UBTD2: variants seen among roughly 807,000 people sequenced by gnomAD.
UBTD2 encodes ubiquitin domain-containing protein 2.
Under a neutral mutation model 19.8 loss-of-function variants are expected in UBTD2, and 9 were observed. The ratio of observed to expected loss-of-function variants is 0.46; its 90% CI spans 0.27 to 0.79. UBTD2 has a LOEUF of 0.79. UBTD2 is among the 30% of genes least tolerant of loss of function. UBTD2 has a pLI of 0.14. For synonymous variants in UBTD2, 98 were observed against 103.9 expected (o/e 0.94, Z 0.35); for missense variants, 250 against 300.4 (o/e 0.83, Z 1.24).
chr5:172,213,691 T>A (rs2113870705), intron 2 of UBTD2, among the ~76,000 whole-genome samples: 1 of 152,352 alleles, frequency 6.6e-6, no homozygotes, highest in East Asian at 1.9e-4. Flanking sequence ...CAAGCAATCC[T>A]CCTGCCTCCA....
intron 1 of UBTD2, among the ~76,000 whole-genome samples, chr5:172,273,002 A>C (rs1295650385): frequency 6.6e-6 from 1 of 151,736 alleles, no homozygotes; most frequent in African/African-American, 2.4e-5. Context: ...GCTTGAACCC[A>C]GGAGACAGAG....
chr5:172,235,814 AAGAT>A (rs1253654475), intron 1 of UBTD2, among the ~76,000 whole-genome samples: 3 of 152,212 alleles, frequency 2.0e-5, no homozygotes, highest in African/African-American at 7.2e-5. Flanking sequence ...GATGGGATAG[AAGAT>A]AGAAAGAAAA....
At chr5:172,269,490 CAAAA>C (rs373193759) in intron 1 of UBTD2, among the ~76,000 whole-genome samples, 1 of 73,218 alleles carries the variant, frequency 1.4e-5, no homozygotes, top group Non-Finnish European at 2.8e-5. Flanking sequence ...GGCCCTGTCT[CAAAA>C]AAAAAAAAAA....
intron 1 of UBTD2, among the ~76,000 whole-genome samples, chr5:172,250,074 T>C (rs1023572773): frequency 2.6e-5 from 4 of 151,874 alleles, no homozygotes; most frequent in Non-Finnish European, 4.4e-5. Flanking sequence ...AATACAAACA[T>C]TAGCTGGGCG....
intron 2 of UBTD2, among the ~76,000 whole-genome samples, chr5:172,213,265 A>G (rs1004676783): frequency 1.3e-5 from 2 of 152,170 alleles, no homozygotes; most frequent in African/African-American, 2.4e-5. Context: ...TGCTGAGATT[A>G]CAGGCATGAG....
rs1189927047 is a variant in UBTD2, at chr5:172,258,000, CTTAGT to C, written c.71-23647_71-23643del. Among the ~76,000 whole-genome samples, 3 of 152,222 alleles carry C rather than the reference CTTAGT, an allele frequency of 2.0e-5. No homozygotes were observed. The East Asian group carries it at 5.8e-4, about 29-fold the overall frequency. The stretch of plus-strand genomic sequence containing the variant: ...TAGTTTCTTTTGCTGTGCAGAAGCT[CTTAGT>C]TTACTTAGGTCCCACCTGTCAATTT... On this transcript the variant is annotated intron_variant, in intron 1 of 2. Transcript: ENST00000393792.
intron 2 of UBTD2, among the ~76,000 whole-genome samples, chr5:172,226,355 A>C (rs922139155): frequency 5.9e-5 from 9 of 152,170 alleles, no homozygotes; most frequent in Non-Finnish European, 1.2e-4. Context: ...GTCATACCCC[A>C]TTTGAATTAG....
intron 2 of UBTD2, among the ~76,000 whole-genome samples, chr5:172,215,526 T>C (rs1387399169): frequency 6.6e-6 from 1 of 152,156 alleles, no homozygotes; most frequent in Non-Finnish European, 1.5e-5. Flanking sequence ...ACAGTTCCTG[T>C]ATATTATGTC....
chr5:172,246,335 G>A (rs1754881939), intron 1 of UBTD2, among the ~76,000 whole-genome samples: 2 of 151,526 alleles, frequency 1.3e-5, no homozygotes, highest in African/African-American at 4.8e-5. Context: ...AAAAACCGGA[G>A]GGAACAAACA....
intron 1 of UBTD2, among the ~76,000 whole-genome samples, chr5:172,267,406 AATACAGGCATGT>A (rs1453201496): frequency 6.6e-6 from 1 of 152,222 alleles, no homozygotes; most frequent in Non-Finnish European, 1.5e-5. Context: ...GTCTTTTGTT[AATACAGGCATGT>A]ATACATCCAG....
intron 1 of UBTD2, among the ~76,000 whole-genome samples, chr5:172,236,671 G>C (rs1772015744): frequency 6.6e-6 from 1 of 152,218 alleles, no homozygotes; most frequent in African/African-American, 2.4e-5. Context: ...TAAGCAGGTA[G>C]ACTCAGTAAG....
At chr5:172,242,521 G>T in intron 1 of UBTD2, 1 of 689,086 alleles carries the variant, frequency 1.5e-6, no homozygotes, top group Non-Finnish European at 1.8e-6. Flanking sequence ...TTTACCCTTT[G>T]TATTAACCTA....
chr5:172,222,914 A>G (rs369569523), intron 2 of UBTD2, among the ~76,000 whole-genome samples: 1 of 152,230 alleles, frequency 6.6e-6, no homozygotes, highest in African/African-American at 2.4e-5. Flanking sequence ...GCTACTGGAT[A>G]TTCTAGGTGC....
chr5:172,271,965 T>G (rs1755500200), intron 1 of UBTD2, among the ~76,000 whole-genome samples: 1 of 152,190 alleles, frequency 6.6e-6, no homozygotes, highest in African/African-American at 2.4e-5. Context: ...CATTACTTAG[T>G]CAAGCTTTGA....
intron 2 of UBTD2, among the ~76,000 whole-genome samples, chr5:172,216,621 C>T (rs1276684812): frequency 2.1e-5 from 2 of 93,684 alleles, no homozygotes; most frequent in Admixed American, 2.2e-4. Context: ...AAAAAAAAAG[C>T]CAGAGGGGGG....
chr5:172,254,890 C>A, intron 1 of UBTD2: 1 of 493,928 alleles, frequency 2.0e-6, no homozygotes, highest in East Asian at 4.4e-5. Flanking sequence ...TGGAATTTTT[C>A]ATCTCCTCCA....
At chr5:172,280,070 C>T (rs1283992672) in intron 1 of UBTD2, among the ~76,000 whole-genome samples, 3 of 151,876 alleles carry the variant, frequency 2.0e-5, no homozygotes, top group Non-Finnish European at 4.4e-5. Flanking sequence ...CCATTGCATT[C>T]CAGCCTGGGC....
intron 1 of UBTD2, among the ~76,000 whole-genome samples, chr5:172,278,280 TAAA>T (rs564530688): frequency 6.8e-6 from 1 of 147,184 alleles, no homozygotes; most frequent in Non-Finnish European, 1.5e-5. Context: ...GATGAATGGA[TAAA>T]AAAAAAAGTG....
chr5:172,254,651 G>A, intron 1 of UBTD2: 1 of 605,404 alleles, frequency 1.7e-6, no homozygotes. Context: ...TCCACTTCGA[G>A]TATCCGGGGA....
Sources: allele counts gnomAD v4.1 joint callset (sites outside exome capture counted in the v4.1 genomes callset), GRCh38; gene constraint gnomAD v4.1.1; transcripts MANE v1.5; gene names NCBI Gene and HGNC (gene_info 2026-07-23, HGNC 2026-07-21).